HMGCLL1: variants seen among roughly 807,000 people sequenced by gnomAD.
HMGCLL1 encodes 3-hydroxymethyl-3-methylglutaryl-CoA lyase, cytoplasmic.
HMGCLL1 carries 36 observed loss-of-function variants against 39.1 expected under a neutral mutation model. The observed-to-expected ratio is 0.92, with a 90% CI of 0.71 to 1.22. The LOEUF is 1.22. Among genes scored for constraint, HMGCLL1 ranks in the 50% most tolerant of loss-of-function variants. HMGCLL1 has a pLI of 0.00. For synonymous variants in HMGCLL1, 149 were observed against 144.0 expected, an observed-to-expected ratio of 1.03 and a Z score of -0.25; for missense variants, 451 against 416.5, an observed-to-expected ratio of 1.08 and a Z score of -0.72.
the HMGCLL1 span, among the ~76,000 whole-genome samples, chr6:55,669,428 G>T: frequency 6.6e-6 from 1 of 151,746 alleles, no homozygotes; most frequent in Non-Finnish European, 1.5e-5. Context: ...ATTTAAACAA[G>T]ACTCAGCCCC....
intron 7 of HMGCLL1, among the ~76,000 whole-genome samples, chr6:55,476,487 C>T (rs910153012): frequency 2.6e-5 from 4 of 151,576 alleles, no homozygotes; most frequent in African/African-American, 9.7e-5. Flanking sequence ...AGTTTGAATA[C>T]ACAATTATGA....
chr6:55,473,814 C>G (rs1765158052), intron 7 of HMGCLL1, among the ~76,000 whole-genome samples: 2 of 151,252 alleles, frequency 1.3e-5, no homozygotes, highest in Non-Finnish European at 3.0e-5. Flanking sequence ...TCCTTCAGTT[C>G]TTGTTTTTCT....
At chr6:55,483,678 G>A (rs1390902934) in intron 7 of HMGCLL1, among the ~76,000 whole-genome samples, 1 of 152,154 alleles carries the variant, frequency 6.6e-6, no homozygotes, top group East Asian at 1.9e-4. Context: ...CTAAAGAGAT[G>A]GAAAGACACA....
At chr6:55,583,193 CT>C (rs576013850), upstream of HMGCLL1, among the ~76,000 whole-genome samples, 750 of 151,730 alleles carry the variant, frequency 4.9e-3, 5 homozygotes, top group African/African-American at 0.016. Context: ...ATTTATTTTT[CT>C]TTTTTTTATT....
the HMGCLL1 span, among the ~76,000 whole-genome samples, chr6:55,636,836 T>G: frequency 6.6e-6 from 1 of 152,148 alleles, no homozygotes; most frequent in Non-Finnish European, 1.5e-5. Context: ...AAAGGTAGAT[T>G]GAAGAGAGAG....
chr6:55,650,148 CAT>C, the HMGCLL1 span, among the ~76,000 whole-genome samples: 1 of 84,290 alleles, frequency 1.2e-5, no homozygotes, highest in Non-Finnish European at 2.4e-5. Flanking sequence ...CACACACACA[CAT>C]ATGTATATAT....
chr6:55,515,874 A>G lies in HMGCLL1; in HGVS notation c.393+634T>C, dbSNP rs147231217. 6.1e-3 allele frequency among the ~76,000 whole-genome samples: 929 copies of G among 152,262 alleles called. 10 individuals carry two copies. The highest frequency in any genetic ancestry group is 0.021 in the African/African-American group (893 of 41,568). On this transcript the variant is annotated intron_variant, in intron 4 of 8. Coordinates refer to ENST00000274901, the MANE Select transcript of HMGCLL1 (RefSeq NM_001042406.2). ...TTCATATAATGAATATTTTTCATTA[A>G]TATTCATTAATACCAGAAATAGCTG...
chr6:55,668,666 A>G, the HMGCLL1 span, among the ~76,000 whole-genome samples: 1 of 151,884 alleles, frequency 6.6e-6, no homozygotes, highest in African/African-American at 2.4e-5. Context: ...AACTCAAGGC[A>G]GCCAAAAACC....
intron 1 of HMGCLL1, among the ~76,000 whole-genome samples, chr6:55,559,021 C>G (rs1207126206): frequency 6.6e-6 from 1 of 152,070 alleles, no homozygotes; most frequent in African/African-American, 2.4e-5. Flanking sequence ...TGGATCCAAC[C>G]CTAAGACACA....
the HMGCLL1 span, among the ~76,000 whole-genome samples, chr6:55,646,396 T>C: frequency 6.6e-6 from 1 of 151,840 alleles, no homozygotes; most frequent in Non-Finnish European, 1.5e-5. Flanking sequence ...TATTTATTTA[T>C]TGTCTGATCT....
chr6:55,661,717 T>C, the HMGCLL1 span, among the ~76,000 whole-genome samples: 1 of 151,782 alleles, frequency 6.6e-6, no homozygotes, highest in East Asian at 1.9e-4. Flanking sequence ...TTCATATAAA[T>C]TTTTAAAAAG....
At chr6:55,597,563 A>C in the HMGCLL1 span, among the ~76,000 whole-genome samples, 1 of 152,122 alleles carries the variant, frequency 6.6e-6, no homozygotes, top group South Asian at 2.1e-4. Flanking sequence ...CTTGGTGCTC[A>C]TGACCAAGAA....
At chr6:55,499,176 C>G (rs1766739512) in intron 6 of HMGCLL1, 60 bp downstream of exon 6, 1 of 1,332,606 alleles carries the variant, frequency 7.5e-7, no homozygotes, top group African/African-American at 1.5e-5. Flanking sequence ...AGAAAGCCCC[C>G]TTTTAAAAAT....
rs757516420 is a variant in HMGCLL1, at chr6:55,495,578, A to G, written c.636T>C (p.Cys212=). 1.2e-5 allele frequency: 19 copies of G among 1,612,424 alleles called. No individual in the cohort carries two copies. The highest frequency in any genetic ancestry group is 1.6e-5 in the Non-Finnish European group (19 of 1,179,256). ...TTGTGTCTCCTAGAGAGATCTCATA[A>G]CAACCCATGCCGTACAATCTCTTAG... is the stretch of plus-strand genomic sequence containing the variant. The part of the protein sequence containing the change: ...EVSKRLYGMG[C]YEISLGDTIG... Residue 212 remains cysteine, a synonymous_variant, in exon 7 of 9, where the codon TGT becomes TGC. Coordinates refer to ENST00000274901, the MANE Select transcript of HMGCLL1 (RefSeq NM_001042406.2).
the HMGCLL1 span, among the ~76,000 whole-genome samples, chr6:55,664,554 A>G: frequency 6.6e-6 from 1 of 151,750 alleles, no homozygotes; most frequent in Non-Finnish European, 1.5e-5. Context: ...TTGTATTTTT[A>G]AACTGTCAAA....
the HMGCLL1 span, among the ~76,000 whole-genome samples, chr6:55,671,709 A>G: frequency 2.6e-5 from 4 of 152,010 alleles, no homozygotes; most frequent in Admixed American, 1.3e-4. Flanking sequence ...ATGGACATGC[A>G]GCATGGATGA....
chr6:55,454,278 T>A (rs1329575541), intron 7 of HMGCLL1, among the ~76,000 whole-genome samples: 2 of 152,028 alleles, frequency 1.3e-5, no homozygotes, highest in East Asian at 1.9e-4. Flanking sequence ...GGGGCAGGGA[T>A]AATGAGTGAT....
chr6:55,627,912 T>TATATA, the HMGCLL1 span, among the ~76,000 whole-genome samples: 1 of 4,898 alleles, frequency 2.0e-4, no homozygotes, highest in Non-Finnish European at 3.5e-4. Flanking sequence ...ATATATACTA[T>TATATA]ATATATATAA....
At chr6:55,555,141 AC>A (rs1179639778) in intron 1 of HMGCLL1, among the ~76,000 whole-genome samples, 1 of 152,098 alleles carries the variant, frequency 6.6e-6, no homozygotes, top group African/African-American at 2.4e-5. Flanking sequence ...CTTACATCTT[AC>A]CACCTTTATG....
Sources: gnomAD v4.1 joint callset for allele counts (sites outside exome capture counted in the v4.1 genomes callset) on GRCh38, gnomAD v4.1.1 for gene constraint, MANE v1.5 for transcripts, NCBI Gene and HGNC (gene_info 2026-07-23, HGNC 2026-07-21) for gene names.